Variants in ZAN observed in about 807,000 individuals in gnomAD.
ZAN encodes zonadhesin (gene/pseudogene).
Under a neutral mutation model 286.2 loss-of-function variants are expected in ZAN, and 260 were observed. That is an observed-to-expected ratio of 0.91 (90% CI 0.82 to 1.01). The LOEUF is 1.01. Ranked by LOEUF, ZAN falls within the 50% of genes least tolerant of loss-of-function variation. The pLI is 0.00. For synonymous variants in ZAN, 1,368 were observed against 1,417.5 expected (o/e 0.97, Z 0.79); for missense variants, 3,410 against 3,639.2 (o/e 0.94, Z 1.62).
Position 100,734,209 on chromosome 7 carries a change from C to A in ZAN, c.41C>A (p.Ala14Asp). 1 of 1,453,398 alleles carries A rather than the reference C, an allele frequency of 6.9e-7. No individual in the cohort carries two copies. The highest frequency in any genetic ancestry group is 1.5e-5 in the African/African-American group (1 of 68,792). The allele number at this position is 1,453,398 out of a possible 1,614,324, so 90.0% of individuals were successfully genotyped here. A position where few individuals can be genotyped will look rare whatever the true frequency, so the allele number is the denominator to read the frequency against. ...TGGACTCTGCTGCTTCTGGTGGGGGCTGCCCTTTTCAGGTAAGCTGGGCCC... is the reference window on the plus strand; with the variant it reads ...TGGACTCTGCTGCTTCTGGTGGGGGATGCCCTTTTCAGGTAAGCTGGGCCC... ...PVWTLLLLVG[A>D]ALFRKEKPPD... is the part of the protein sequence containing the mutation. The change falls in exon 2 of 48, where the codon GCT becomes GAT. Residue 14 changes from alanine to aspartate, a missense_variant. Coordinates refer to ENST00000613979, the MANE Select transcript of ZAN (RefSeq NM_003386.3).
In ZAN at chr7:100,737,632, G is replaced by A. The variant is rs544729923; in HGVS notation, c.613+283G>A. ...GAGGCAGGAGAATGGCATGAACCTG[G>A]GAGGTGGAGCTTGCAGTGAGCCGAG... On this transcript the variant is annotated intron_variant, in intron 6 of 47. Transcript: ENST00000613979. Among the ~76,000 whole-genome samples the A allele has an allele frequency of 2.1e-3, 295 of 140,168 alleles. 60 individuals carry two copies. The highest frequency in any genetic ancestry group is 6.4e-3 in the Admixed American group (90 of 14,120). The allele number at this position is 140,168 out of a possible 152,430, so 92.0% of individuals were successfully genotyped here.
rs1458046609 is a variant in ZAN, at chr7:100,773,756, C to T, written c.5670C>T (p.Thr1890=). The part of the protein sequence containing the change: ...GERWYTENTC[T]RLCTCSVHNN... ...GCTGGTACACAGAGAACACCTGCAC[C>T]AGGCTCTGCACCTGCTCCGTCCACA... The change falls in exon 31 of 48, where the codon ACC becomes ACT. Residue 1890 remains threonine (T), a synonymous_variant. Coordinates refer to ENST00000613979, the MANE Select transcript of ZAN (RefSeq NM_003386.3). 4 of 1,611,540 alleles carry T rather than the reference C, an allele frequency of 2.5e-6. No individual in the cohort carries two copies. The highest frequency in any genetic ancestry group is 3.4e-6 in the Non-Finnish European group (4 of 1,178,784).
Position 100,775,718 on chromosome 7 carries a change from T to A in ZAN, c.6077T>A (p.Val2026Asp). Residue 2026 changes from valine to aspartate, a missense_variant, in exon 33 of 48, where the codon GTC becomes GAC. Physicochemically the swap from Val to Asp is radical, Grantham distance 152 (BLOSUM62 -3). Coordinates refer to ENST00000613979, the MANE Select transcript of ZAN (RefSeq NM_003386.3). ...TLPAISQIPG[V>D]SVKSSSIYSI... ...CCCGCCATCTCCCAGATCCCTGGGG[T>A]CAGTGTCAAGTCCAGCAGCATCTAC... 6.2e-7 allele frequency: 1 copy of A among 1,613,454 alleles called. No homozygotes were observed. Among genetic ancestry groups the A allele is most frequent in the Non-Finnish European group, 8.5e-7 (1 of 1,179,722 alleles).
At chr7:100,786,262 G>A in intron 37 of ZAN, 121 bp downstream of exon 37, 1 of 1,439,184 alleles carries the variant, frequency 6.9e-7, no homozygotes, top group Non-Finnish European at 9.4e-7. Context: ...GGTTGGGGCG[G>A]GCGACTGGAT....
chr7:100,772,762 A>G (rs1260952461), intron 29 of ZAN, among the ~76,000 whole-genome samples: 4 of 151,404 alleles, frequency 2.6e-5, no homozygotes, highest in African/African-American at 4.9e-5. Context: ...TGGAGCTTGC[A>G]GTGACCCAAG....
rs765509837 is a variant in ZAN, at chr7:100,797,440, T to C, written c.8341T>C (p.Cys2781Arg). 1.9e-6 allele frequency: 3 copies of C among 1,612,960 alleles called. No individual in the cohort carries two copies. The African/African-American group carries it at 4.0e-5, about 22-fold the overall frequency. Residue 2781 changes from cysteine to arginine, a missense_variant, in exon 46 of 48, where the codon TGC (cysteine) becomes CGC (arginine). Coordinates refer to ENST00000613979, the MANE Select transcript of ZAN (RefSeq NM_003386.3). ...CGTACTACTGGCCGTGACCAGAGAG[T>C]GCATTTACAGAACGAGGAGGAAGAG... ...VVVLLAVTRECIYRTRRKREK... is the reference protein window; with the variant it reads ...VVVLLAVTRERIYRTRRKREK...
intron 7 of ZAN, among the ~76,000 whole-genome samples, chr7:100,739,615 A>G (rs1807600551): frequency 7.4e-6 from 1 of 135,022 alleles, no homozygotes; most frequent in Non-Finnish European, 1.7e-5. Flanking sequence ...AAGTGCTGGG[A>G]TTACAGGCGT....
intron 14 of ZAN, among the ~76,000 whole-genome samples, chr7:100,753,550 C>A (rs559007948): frequency 1.3e-5 from 2 of 151,848 alleles, no homozygotes; most frequent in African/African-American, 4.8e-5. Context: ...AGGCCGGGCA[C>A]GGTAGCTCAA....
At chr7:100,789,616 C>G (rs1165877807) in intron 39 of ZAN, among the ~76,000 whole-genome samples, 2 of 151,960 alleles carry the variant, frequency 1.3e-5, no homozygotes, top group African/African-American at 2.4e-5. Context: ...TCAAGACCAG[C>G]CTGGGGAACA....
Position 100,750,850 on chromosome 7 carries a change from A to C in ZAN, c.1475A>C (p.Gln492Pro). ...GTGGGGTCTCAGCGCCCTTACTGGCAGAACACCTCCGTCACCGTCCCCTCA... is the reference window on the plus strand; with the variant it reads ...GTGGGGTCTCAGCGCCCTTACTGGCCGAACACCTCCGTCACCGTCCCCTCA... ...KRVGSQRPYW[Q>P]NTSVTVPSGH... The change falls in exon 12 of 48, where the codon CAG (glutamine) becomes CCG (proline). Residue 492 changes from glutamine to proline, a missense_variant. Around this residue, in one of 7 missense-constraint regions of ZAN, gnomAD observed 872 missense variants for 938.9 expected, o/e 0.93. Transcript: ENST00000613979. 1 of 1,582,666 alleles carries C rather than the reference A, an allele frequency of 6.3e-7. No homozygotes were observed. The highest frequency in any genetic ancestry group is 8.6e-7 in the Non-Finnish European group (1 of 1,162,594).
At position 100,779,357 on chromosome 7, in the gene ZAN, G is replaced by A. The variant is rs1448536483; in HGVS notation, c.6318-89G>A. On this transcript the variant is annotated intron_variant, in intron 34 of 47. Transcript: ENST00000613979. Reference sequence around the variant, plus strand: ...TGTTGCATTGCACTCCAGCCTGGGTGACAGAGCAAGACTCCCCCTAAAGAA... The same window carrying A: ...TGTTGCATTGCACTCCAGCCTGGGTAACAGAGCAAGACTCCCCCTAAAGAA... The A allele has an allele frequency of 1.1e-5, 15 of 1,358,712 alleles. 1 individual carries two copies. The highest frequency in any genetic ancestry group is 7.3e-5 in the South Asian group (5 of 68,574). 84.2% of individuals were successfully genotyped at this position (1,358,712 alleles called of 1,614,324 possible).
chr7:100,753,920 C>G (rs1199454112), intron 14 of ZAN, among the ~76,000 whole-genome samples: 1 of 151,468 alleles, frequency 6.6e-6, no homozygotes, highest in Admixed American at 6.6e-5. Flanking sequence ...ACTTTCTAAT[C>G]CAAACACTTT....
intron 42 of ZAN, 55 bp from the exon 43 acceptor site, chr7:100,793,765 C>A: frequency 6.6e-7 from 1 of 1,524,856 alleles, no homozygotes; most frequent in Admixed American, 2.1e-5. Context: ...GGTGACCTTG[C>A]CCCTGTTTGG....
intron 8 of ZAN, 144 bp from the exon 9 acceptor site, chr7:100,747,406 A>G (rs1016542875): frequency 2.4e-5 from 16 of 653,760 alleles, no homozygotes; most frequent in Admixed American, 1.9e-4. Flanking sequence ...TAATGAATAA[A>G]TAAAATAAAA....
intron 37 of ZAN, among the ~76,000 whole-genome samples, chr7:100,787,351 G>A (rs1811626626): frequency 6.6e-6 from 1 of 152,070 alleles, no homozygotes. Context: ...AGGAGGTGGA[G>A]GCTGCAGTGA....
In ZAN at chr7:100,779,389, A is replaced by G. The variant is rs1304181253; in HGVS notation, c.6318-57A>G. The G allele has an allele frequency of 3.3e-6, 5 of 1,499,572 alleles. No homozygotes were observed. The East Asian group carries it at 9.5e-5, about 28-fold the overall frequency. 92.9% of individuals were successfully genotyped at this position (1,499,572 alleles called of 1,614,324 possible). On this transcript the variant is annotated intron_variant, in intron 34 of 47. Transcript: ENST00000613979. Reference sequence around the variant, plus strand: ...CAAGACTCCCCCTAAAGAAAAAAAAATTTTGTGTCATAGTAGGGGGACGGC... The same window carrying G: ...CAAGACTCCCCCTAAAGAAAAAAAAGTTTTGTGTCATAGTAGGGGGACGGC...
At position 100,737,308 on chromosome 7, in the gene ZAN, C is replaced by A; in HGVS notation, c.572C>A (p.Ala191Asp). ...TRGSTAYLDI[A>D]LDALSIRRGS... The stretch of plus-strand genomic sequence containing the variant: ...GGTAGCACTGCCTACCTGGACATCG[C>A]CCTGGATGCCCTCTCTATCCGCCGG... Residue 191 changes from alanine to aspartate, a missense_variant, in exon 6 of 48, where the codon GCC (alanine) becomes GAC (aspartate). Ala to Asp is a moderately radical substitution (Grantham distance 126). This residue lies in a region of ZAN where 872 missense variants were observed against 938.9 expected (regional missense o/e 0.93). Transcript: ENST00000613979. The A allele has an allele frequency of 6.7e-7, 1 of 1,487,266 alleles. No homozygotes were observed. The highest frequency in any genetic ancestry group is 9.2e-7 in the Non-Finnish European group (1 of 1,088,176). 92.1% of individuals were successfully genotyped at this position (1,487,266 alleles called of 1,614,324 possible). A position where few individuals can be genotyped will look rare whatever the true frequency, so the allele number is the denominator to read the frequency against.
chr7:100,778,631 C>T (rs900097733), intron 34 of ZAN, among the ~76,000 whole-genome samples: 1 of 151,050 alleles, frequency 6.6e-6, no homozygotes, highest in African/African-American at 2.4e-5. Flanking sequence ...AAGACGAGGC[C>T]GATGGAAGAT....
Position 100,790,950 on chromosome 7 carries a change from CTACCCAGCATGTACGAGGGGCTTGT to C in ZAN, c.7367_7391del (p.Leu2456ArgfsTer16). On this transcript the variant is annotated frameshift_variant, in exon 40 of 48. Coordinates refer to ENST00000613979, the MANE Select transcript of ZAN (RefSeq NM_003386.3). LOFTEE classifies it high-confidence loss of function. ...CCCCCTTCCTCCCGCAGTGATCTCCCTACCCAGCATGTACGAGGGGCTTGTGAGTGGCCTGTGCGGAAACTACGAC... is the reference window on the plus strand; with the variant it reads ...CCCCCTTCCTCCCGCAGTGATCTCCCGAGTGGCCTGTGCGGAAACTACGAC... 3.1e-6 allele frequency: 5 copies of C among 1,611,266 alleles called. No individual in the cohort carries two copies. Among genetic ancestry groups the C allele is most frequent in the Non-Finnish European group, 4.2e-6 (5 of 1,178,914 alleles).
Sources: allele counts gnomAD v4.1 joint callset (sites outside exome capture counted in the v4.1 genomes callset), GRCh38; gene constraint gnomAD v4.1.1; regional missense constraint gnomAD v4.1.1; transcripts MANE v1.5; gene names NCBI Gene and HGNC (gene_info 2026-07-23, HGNC 2026-07-21).